CHERP: variants seen among roughly 807,000 people sequenced by gnomAD.
CHERP encodes the protein ERPROT 213-21.
A neutral mutation model predicts 113.8 loss-of-function variants in CHERP; 8 were observed. The ratio of observed to expected loss-of-function variants is 0.07; its 90% CI spans 0.04 to 0.13. CHERP has a LOEUF of 0.13. Ranked by LOEUF, CHERP falls within the 10% of genes least tolerant of loss-of-function variation. The probability of loss-of-function intolerance (pLI) is 1.00; values close to 1 mark genes in which losing one functional copy is unlikely to be tolerated. For missense variants in CHERP, 884 were observed against 1,298.2 expected (o/e 0.68, Z 4.90); for synonymous variants, 559 against 524.5 (o/e 1.07, Z -0.90).
intron 2 of CHERP, among the ~76,000 whole-genome samples, chr19:16,537,966 G>A (rs2085752536): frequency 6.6e-6 from 1 of 152,194 alleles, no homozygotes; most frequent in Admixed American, 6.5e-5. Context: ...CACAACACCA[G>A]AAATGGTCCT....
intron 2 of CHERP, among the ~76,000 whole-genome samples, chr19:16,538,019 C>A: frequency 6.6e-6 from 1 of 152,180 alleles, no homozygotes. Flanking sequence ...ACAGTTGAGG[C>A]CCAGGCTTTA....
chr19:16,532,587 G>A lies in CHERP; in HGVS notation c.674+11C>T. 6.3e-7 allele frequency: 1 copy of A among 1,588,178 alleles called. No individual in the cohort carries two copies. ...GAAGTGGCGCTCTGGGCACGGGGTG[G>A]CGGCGCTCACCAGTGGTGCAGCACG... On this transcript the variant is annotated intron_variant, in intron 5 of 16. Coordinates refer to ENST00000546361, the MANE Select transcript of CHERP (RefSeq NM_006387.6). The surrounding 1 kb of genome is among the most constrained non-coding windows in gnomAD (Gnocchi z 4.4).
rs777964982 is a variant in CHERP, at chr19:16,529,821, G to C, written c.956C>G (p.Thr319Arg). Residue 319 changes from threonine (T) to arginine (R), a missense_variant, in exon 8 of 17, where the codon ACG becomes AGG. By Grantham distance (71) the Thr-to-Arg change is moderately conservative. Coordinates refer to ENST00000546361, the MANE Select transcript of CHERP (RefSeq NM_006387.6). ...AFQQQIQTLKTQHEEFVTSLA... is the reference protein window; with the variant it reads ...AFQQQIQTLKRQHEEFVTSLA... ...GCTGGTGACAAACTCCTCGTGCTGCGTCTTGAGGGTCTGGATCTGCTGCTG... is the reference window on the plus strand; with the variant it reads ...GCTGGTGACAAACTCCTCGTGCTGCCTCTTGAGGGTCTGGATCTGCTGCTG... The C allele has an allele frequency of 6.2e-7, 1 of 1,613,746 alleles. No individual in the cohort carries two copies. Among genetic ancestry groups the C allele is most frequent in the Admixed American group, 1.7e-5 (1 of 60,004 alleles).
intron 2 of CHERP, among the ~76,000 whole-genome samples, chr19:16,540,648 C>T (rs879404427): frequency 4.0e-5 from 6 of 151,792 alleles, no homozygotes; most frequent in African/African-American, 1.4e-4. Flanking sequence ...GCTGGGATTA[C>T]AGGCGTCAGC....
chr19:16,520,507 G>C lies in CHERP; in HGVS notation c.2202C>G (p.Ser734Arg). 1.2e-6 allele frequency: 2 copies of C among 1,611,324 alleles called. No individual in the cohort carries two copies. The highest frequency in any genetic ancestry group is 1.7e-6 in the Non-Finnish European group (2 of 1,178,592). The part of the protein sequence containing the change: ...RRRKGQEKRN[S>R]GPSRSRSRSK... ...ATCTGCTCCGAGACCTCGAGGGTCCGCTGTGGGGAGAGGCCTGATGATCAG... is the reference window on the plus strand; with the variant it reads ...ATCTGCTCCGAGACCTCGAGGGTCCCCTGTGGGGAGAGGCCTGATGATCAG... Residue 734 changes from serine to arginine, a missense_variant and splice_region_variant, in exon 14 of 17, where the codon AGC (serine) becomes AGG (arginine). This residue lies in a region of CHERP where 159 missense variants were observed against 185.8 expected (regional missense o/e 0.86). Transcript: ENST00000546361. The surrounding 1 kb of genome is among the most constrained non-coding windows in gnomAD (Gnocchi z 4.0).
At chr19:16,537,269 C>T (rs1012817088) in intron 2 of CHERP, among the ~76,000 whole-genome samples, 2 of 151,454 alleles carry the variant, frequency 1.3e-5, no homozygotes, top group Admixed American at 6.6e-5. Flanking sequence ...TCCATGTGTT[C>T]GCCCCCTCAG....
At chr19:16,533,771 C>A (rs1008933692) in intron 3 of CHERP, among the ~76,000 whole-genome samples, 5 of 136,242 alleles carry the variant, frequency 3.7e-5, no homozygotes, top group African/African-American at 1.5e-4. Flanking sequence ...CTAACAACAA[C>A]AAAACAACAA....
chr19:16,533,229 CG>C, intron 3 of CHERP, 81 bp from the exon 4 acceptor site: 1 of 1,414,784 alleles, frequency 7.1e-7, no homozygotes, highest in African/African-American at 1.4e-5. Context: ...TCAGCAGGGG[CG>C]GGGTGGGGAC....
Position 16,519,726 on chromosome 19 carries a change from G to A in CHERP, c.2463-11C>T. The A allele has an allele frequency of 6.2e-7, 1 of 1,604,270 alleles. No individual in the cohort carries two copies. On this transcript the variant is annotated splice_polypyrimidine_tract_variant and intron_variant, in intron 15 of 16. Coordinates refer to ENST00000546361, the MANE Select transcript of CHERP (RefSeq NM_006387.6). The surrounding 1 kb of genome is among the most constrained non-coding windows in gnomAD (Gnocchi z 6.0). ...AGACCAGCAGAGGAACTAAAATCGA[G>A]ACAGGTTATTCTTTTTAAGAAGTAA... is the stretch of plus-strand genomic sequence containing the variant.
intron 2 of CHERP, among the ~76,000 whole-genome samples, chr19:16,537,027 A>C (rs1389307598): frequency 6.6e-6 from 1 of 152,130 alleles, no homozygotes; most frequent in Non-Finnish European, 1.5e-5. Context: ...ATAAAAAAGG[A>C]AATAAATAAA....
rs764407450 is a variant in CHERP, at chr19:16,530,672, G to A, written c.789C>T (p.Leu263=). The change falls in exon 7 of 17, where the codon CTC becomes CTT. Residue 263 remains leucine, a splice_region_variant and synonymous_variant. Transcript: ENST00000546361. This position sits in a 1 kb window ranked among gnomAD's most constrained non-coding sequence, Gnocchi z 4.1. ...EEDKQQKIAR[L]LQLWEKNGYF... ...AGCCGTTTTTCTCCCAGAGCTGCAG[G>A]AGCTGGCGGTGGGAGGAGAGAGAGG... The A allele has an allele frequency of 6.2e-7, 1 of 1,613,952 alleles. No individual in the cohort carries two copies. The highest frequency in any genetic ancestry group is 1.1e-5 in the South Asian group (1 of 91,090).
At chr19:16,541,755 T>G in intron 2 of CHERP, 115 bp downstream of exon 2, 1 of 1,088,216 alleles carries the variant, frequency 9.2e-7, no homozygotes, top group Non-Finnish European at 1.3e-6. Context: ...TGGACCGAGC[T>G]GCTCCACTTC....
At position 16,535,091 on chromosome 19, in the gene CHERP, C is replaced by A. The variant is rs573328340; in HGVS notation, c.384+361G>T. Among the ~76,000 whole-genome samples, 73 of 152,238 alleles carry A rather than the reference C, an allele frequency of 4.8e-4. No homozygotes were observed. The highest frequency in any genetic ancestry group is 1.7e-3 in the African/African-American group (70 of 41,564). ...ACTTAAAAAAAAAAAAGGGTCCTTC[C>A]CCAACCAACAGCTCCAGGTGACCTA... On this transcript the variant is annotated intron_variant, in intron 3 of 16. Coordinates refer to ENST00000546361, the MANE Select transcript of CHERP (RefSeq NM_006387.6). This position sits in a 1 kb window ranked among gnomAD's most constrained non-coding sequence, Gnocchi z 4.3.
In CHERP at chr19:16,520,611, T is replaced by C. The variant is rs912580099; in HGVS notation, c.2202-104A>G. The C allele has an allele frequency of 5.2e-5, 71 of 1,355,956 alleles. No homozygotes were observed. Among genetic ancestry groups the C allele is most frequent in the Middle Eastern group, 2.1e-4 (1 of 4,676 alleles). 84.0% of individuals were successfully genotyped at this position (1,355,956 alleles called of 1,614,324 possible). On this transcript the variant is annotated intron_variant, in intron 13 of 16. Coordinates refer to ENST00000546361, the MANE Select transcript of CHERP (RefSeq NM_006387.6). This position sits in a 1 kb window ranked among gnomAD's most constrained non-coding sequence, Gnocchi z 4.0. ...CCACCCCAGATGCAGGGGCTCTGGC[T>C]GTGGATGTGGCGCCATAGCCACAGC...
intron 2 of CHERP, among the ~76,000 whole-genome samples, chr19:16,540,884 A>G (rs1200754117): frequency 5.1e-5 from 7 of 137,542 alleles, no homozygotes; most frequent in South Asian, 4.6e-4. Context: ...TTTTCGTAGA[A>G]ACAGGGTTTC....
intron 9 of CHERP, among the ~76,000 whole-genome samples, chr19:16,527,621 G>A (rs1312163214): frequency 6.6e-6 from 1 of 152,216 alleles, no homozygotes; most frequent in African/African-American, 2.4e-5. Flanking sequence ...TGGCCCAGGG[G>A]TATGTGACCC....
At position 16,529,658 on chromosome 19, in the gene CHERP, G is replaced by T; in HGVS notation, c.1119C>A (p.Thr373=). ...APAPAPAIPP[T]TQPDDSKPPI... ...GAGGGAGCCCCGTACCAGGCTGGGT[G>T]GTGGGCGGGATGGCAGGGGCAGGTG... is the stretch of plus-strand genomic sequence containing the variant. Residue 373 remains threonine, a synonymous_variant, in exon 8 of 17, where the codon ACC becomes ACA. Coordinates refer to ENST00000546361, the MANE Select transcript of CHERP (RefSeq NM_006387.6). 6.5e-7 allele frequency: 1 copy of T among 1,545,326 alleles called. No homozygotes were observed. Among genetic ancestry groups the T allele is most frequent in the Non-Finnish European group, 8.7e-7 (1 of 1,149,672 alleles).
rs554994357 is a variant in CHERP, at chr19:16,520,660, T to G, written c.2202-153A>C. 22 of 1,145,102 alleles carry G rather than the reference T, an allele frequency of 1.9e-5. No homozygotes were observed. In the Admixed American group the frequency reaches 4.3e-4, roughly 22 times the overall value. 70.9% of individuals were successfully genotyped at this position (1,145,102 alleles called of 1,614,324 possible). A position where few individuals can be genotyped will look rare whatever the true frequency, so the allele number is the denominator to read the frequency against. On this transcript the variant is annotated intron_variant, in intron 13 of 16. Transcript: ENST00000546361. The surrounding 1 kb of genome is among the most constrained non-coding windows in gnomAD (Gnocchi z 4.0). ...GCAACGGTACCAAGTTCCTAAATAGTGTGGCCGAGCCTGCTGCTGTGTGAA... is the reference window on the plus strand; with the variant it reads ...GCAACGGTACCAAGTTCCTAAATAGGGTGGCCGAGCCTGCTGCTGTGTGAA...
rs554994357 is a variant in CHERP at position 16,520,660 on chromosome 19, T to C, written c.2202-153A>G. The C allele has an allele frequency of 3.0e-5, 34 of 1,145,220 alleles. No individual in the cohort carries two copies. In the East Asian group the frequency reaches 7.6e-4, roughly 26 times the overall value. 70.9% of individuals were successfully genotyped at this position (1,145,220 alleles called of 1,614,324 possible). A position where few individuals can be genotyped will look rare whatever the true frequency, so the allele number is the denominator to read the frequency against. On this transcript the variant is annotated intron_variant, in intron 13 of 16. Coordinates refer to ENST00000546361, the MANE Select transcript of CHERP (RefSeq NM_006387.6). This position sits in a 1 kb window ranked among gnomAD's most constrained non-coding sequence, Gnocchi z 4.0. ...GCAACGGTACCAAGTTCCTAAATAG[T>C]GTGGCCGAGCCTGCTGCTGTGTGAA... is the stretch of plus-strand genomic sequence containing the variant.
Sources: allele counts gnomAD v4.1 joint callset (sites outside exome capture counted in the v4.1 genomes callset), GRCh38; gene constraint gnomAD v4.1.1; regional missense constraint gnomAD v4.1.1; non-coding constraint Gnocchi (gnomAD v3.1); transcripts MANE v1.5; gene names NCBI Gene and HGNC (gene_info 2026-07-23, HGNC 2026-07-21).